The following TMEM74 variants were observed in gnomAD, a reference collection of about 807,000 sequenced individuals.
TMEM74 encodes transmembrane protein 74.
In TMEM74, 13 loss-of-function variants were observed where a neutral mutation model predicts 18.1. The observed-to-expected ratio is 0.72, with a 90% CI of 0.47 to 1.14. The LOEUF is 1.14. Ranked by LOEUF, TMEM74 falls within the 50% of genes most tolerant of loss-of-function variation. The pLI, the probability that TMEM74 is intolerant of heterozygous loss-of-function variation, is 0.00. For synonymous variants in TMEM74, 159 were observed against 146.6 expected, an observed-to-expected ratio of 1.08 and a Z score of -0.61; for missense variants, 372 against 375.9, an observed-to-expected ratio of 0.99 and a Z score of 0.09.
chr8:108,618,498 T>G (rs1301168188), intron 2 of TMEM74, among the ~76,000 whole-genome samples: 1 of 152,188 alleles, frequency 6.6e-6, no homozygotes, highest in Non-Finnish European at 1.5e-5. Flanking sequence ...GGTTCTTCTG[T>G]TTCAGCTTGA....
intron 1 of TMEM74, among the ~76,000 whole-genome samples, chr8:108,738,224 T>A (rs1321096054): frequency 6.6e-6 from 1 of 152,200 alleles, no homozygotes; most frequent in Admixed American, 6.5e-5. Flanking sequence ...TCTACTAAGC[T>A]TAATAAATGT....
At chr8:108,756,765 GA>G (rs1269411776) in intron 1 of TMEM74, among the ~76,000 whole-genome samples, 2 of 104,490 alleles carry the variant, frequency 1.9e-5, no homozygotes, top group African/African-American at 7.6e-5. Flanking sequence ...GGGAGGGAGG[GA>G]GGGGAGGGGA....
At chr8:108,627,802 C>T (rs1355183914) in intron 2 of TMEM74, among the ~76,000 whole-genome samples, 1 of 152,038 alleles carries the variant, frequency 6.6e-6, no homozygotes, top group Admixed American at 6.6e-5. Context: ...CCTTTAATCC[C>T]AGCAGTTTGG....
intron 1 of TMEM74, among the ~76,000 whole-genome samples, chr8:108,770,113 G>T (rs1303297102): frequency 6.6e-6 from 1 of 152,056 alleles, no homozygotes; most frequent in African/African-American, 2.4e-5. Flanking sequence ...AATAGATCTT[G>T]TCAGAAATGT....
At chr8:108,739,217 CTTAA>C (rs1813775559) in intron 1 of TMEM74, among the ~76,000 whole-genome samples, 1 of 152,120 alleles carries the variant, frequency 6.6e-6, no homozygotes, top group Admixed American at 6.5e-5. Context: ...AAATGCAATC[CTTAA>C]TTAATTCAGA....
At chr8:108,669,082 C>G (rs1340011885) in intron 1 of TMEM74, among the ~76,000 whole-genome samples, 1 of 152,012 alleles carries the variant, frequency 6.6e-6, no homozygotes, top group Non-Finnish European at 1.5e-5. Flanking sequence ...CCTACTCAAC[C>G]ATTCCCCCTT....
Position 108,640,449 on chromosome 8 carries a change from C to T in TMEM74, n.264+14844G>A, listed in dbSNP as rs541562390. 5.9e-5 allele frequency among the ~76,000 whole-genome samples: 9 copies of T among 151,848 alleles called. No individual in the cohort carries two copies. In the East Asian group the frequency reaches 1.5e-3, roughly 26 times the overall value. ...ACTTCTTAAATTTTTATTTTAGCTT[C>T]ATCATTTAAATGTATGTCTCTACTC... On this transcript the variant is annotated intron_variant and non_coding_transcript_variant, in intron 2 of 3. Transcript: ENST00000518838.
intron 1 of TMEM74, among the ~76,000 whole-genome samples, chr8:108,770,299 AATT>A (rs1814157742): frequency 6.6e-6 from 1 of 152,188 alleles, no homozygotes; most frequent in African/African-American, 2.4e-5. Context: ...AAAAAATAGC[AATT>A]ATTATACTAA....
Position 108,783,960 on chromosome 8 carries a change from C to G in TMEM74, c.*221G>C. The G allele has an allele frequency of 2.5e-6, 1 of 399,416 alleles. No homozygotes were observed. The highest frequency in any genetic ancestry group is 6.3e-5 in the South Asian group (1 of 15,890). 24.7% of individuals were successfully genotyped at this position (399,416 alleles called of 1,614,324 possible). ...ATTACAGATTAATTAGCCTTCAGCT[C>G]TTCAGAAGGATAGGTGTGGCTGGTT... On this transcript the variant is annotated 3_prime_UTR_variant, in exon 2 of 2. Coordinates refer to ENST00000297459, the MANE Select transcript of TMEM74 (RefSeq NM_153015.3).
intron 1 of TMEM74, among the ~76,000 whole-genome samples, chr8:108,665,890 A>G (rs1474133947): frequency 6.6e-6 from 1 of 152,192 alleles, no homozygotes; most frequent in Admixed American, 6.5e-5. Context: ...ATAATGCAAA[A>G]TGTCTGTTAA....
At chr8:108,679,271 G>A (rs901944438) in intron 1 of TMEM74, among the ~76,000 whole-genome samples, 9 of 152,140 alleles carry the variant, frequency 5.9e-5, no homozygotes, top group Non-Finnish European at 5.9e-5. Context: ...CCAGTAATGG[G>A]ATGGCTGGGT....
At chr8:108,607,852 G>A (rs1812291596) in intron 3 of TMEM74, 1 of 152,156 alleles carries the variant, frequency 6.6e-6, no homozygotes, top group African/African-American at 2.4e-5. Flanking sequence ...TATGCTATGT[G>A]TGATGAAAAG....
chr8:108,719,825 A>G (rs752262073), intron 1 of TMEM74, among the ~76,000 whole-genome samples: 9 of 152,240 alleles, frequency 5.9e-5, no homozygotes, highest in Middle Eastern at 3.4e-3. Context: ...ATTTTTTATG[A>G]CTTTTGATCC....
chr8:108,611,727 T>C (rs1482655432), intron 2 of TMEM74, among the ~76,000 whole-genome samples: 1 of 152,222 alleles, frequency 6.6e-6, no homozygotes, highest in Non-Finnish European at 1.5e-5. Context: ...TGACTAAATT[T>C]TTCTGTCAAT....
chr8:108,646,229 A>C (rs1206756104), intron 2 of TMEM74, among the ~76,000 whole-genome samples: 1 of 152,108 alleles, frequency 6.6e-6, no homozygotes, highest in Non-Finnish European at 1.5e-5. Flanking sequence ...AGGACAAGTG[A>C]CATGGTATAT....
chr8:108,611,695 T>C (rs547424175), intron 2 of TMEM74, among the ~76,000 whole-genome samples: 2 of 152,336 alleles, frequency 1.3e-5, no homozygotes, highest in East Asian at 3.9e-4. Context: ...TCCAATTAAT[T>C]AACAATGCCA....
intron 2 of TMEM74, among the ~76,000 whole-genome samples, chr8:108,631,002 G>C (rs574616462): frequency 6.6e-6 from 1 of 152,012 alleles, no homozygotes; most frequent in South Asian, 2.1e-4. Context: ...CTCATACCGG[G>C]ACCAAATAGA....
At chr8:108,753,938 T>G (rs1374874641) in intron 1 of TMEM74, among the ~76,000 whole-genome samples, 1 of 152,098 alleles carries the variant, frequency 6.6e-6, no homozygotes, top group African/African-American at 2.4e-5. Context: ...ATCTCAAACT[T>G]CAGAATGCAT....
chr8:108,726,260 C>A (rs1320925618), intron 1 of TMEM74, among the ~76,000 whole-genome samples: 1 of 152,134 alleles, frequency 6.6e-6, no homozygotes, highest in East Asian at 1.9e-4. Context: ...AGGAGGAAAG[C>A]ATATAAATGA....
Sources: allele counts gnomAD v4.1 joint callset (sites outside exome capture counted in the v4.1 genomes callset), GRCh38; gene constraint gnomAD v4.1.1; transcripts MANE v1.5; gene names NCBI Gene and HGNC (gene_info 2026-07-23, HGNC 2026-07-21).